CCSER1: variants seen among roughly 807,000 people sequenced by gnomAD.
The protein encoded by CCSER1 is coiled-coil serine rich protein 1, also known as serine-rich coiled-coil domain-containing protein 1.
Under a neutral mutation model 82.0 loss-of-function variants are expected in CCSER1, and 41 were observed. The observed-to-expected ratio is 0.50, with a 90% CI of 0.39 to 0.65. The LOEUF is 0.65. CCSER1 is among the 30% of genes least tolerant of loss of function. The probability of loss-of-function intolerance (pLI) is 0.00; values close to 1 mark genes in which losing one functional copy is unlikely to be tolerated. For missense variants in CCSER1, 1,119 were observed against 1,064.2 expected (o/e 1.05, Z -0.72); for synonymous variants, 414 against 383.9 (o/e 1.08, Z -0.92).
intron 1 of CCSER1, among the ~76,000 whole-genome samples, chr4:90,292,045 G>A (rs543826578): frequency 6.6e-6 from 1 of 151,852 alleles, no homozygotes; most frequent in Non-Finnish European, 1.5e-5. Context: ...ATTTGGTTAA[G>A]CCCATTGATT....
chr4:90,863,590 T>C (rs1469281625), intron 8 of CCSER1, among the ~76,000 whole-genome samples: 1 of 151,926 alleles, frequency 6.6e-6, no homozygotes, highest in Non-Finnish European at 1.5e-5. Context: ...TAGCTATCTT[T>C]AACAATGTAG....
At chr4:90,169,030 G>A (rs957727263) in intron 1 of CCSER1, among the ~76,000 whole-genome samples, 3 of 151,996 alleles carry the variant, frequency 2.0e-5, no homozygotes, top group East Asian at 1.9e-4. Flanking sequence ...TTGGTAGCTT[G>A]ATGGGGATGG....
At chr4:91,389,197 T>C (rs538853601) in intron 10 of CCSER1, among the ~76,000 whole-genome samples, 185 of 152,192 alleles carry the variant, frequency 1.2e-3, no homozygotes, top group Non-Finnish European at 1.5e-3. Flanking sequence ...GGTTTTAAAA[T>C]TTACATTTGG....
At chr4:90,659,309 G>C (rs1466738154) in intron 6 of CCSER1, among the ~76,000 whole-genome samples, 2 of 152,090 alleles carry the variant, frequency 1.3e-5, no homozygotes, top group Non-Finnish European at 2.9e-5. Flanking sequence ...AAGAGCTCCA[G>C]TTCTGGATAG....
chr4:91,211,588 T>C (rs1736827222), intron 10 of CCSER1, among the ~76,000 whole-genome samples: 1 of 152,116 alleles, frequency 6.6e-6, no homozygotes, highest in East Asian at 1.9e-4. Flanking sequence ...GTTTACATTC[T>C]GTCAGTACGC....
chr4:90,816,525 C>T (rs1401851683), intron 8 of CCSER1, among the ~76,000 whole-genome samples: 1 of 151,696 alleles, frequency 6.6e-6, no homozygotes, highest in Admixed American at 6.6e-5. Context: ...CAGTATTTTG[C>T]AATAAAATGT....
chr4:90,269,830 A>G (rs1337300846), intron 1 of CCSER1, among the ~76,000 whole-genome samples: 1 of 152,060 alleles, frequency 6.6e-6, no homozygotes, highest in African/African-American at 2.4e-5. Flanking sequence ...ACCAGAGATG[A>G]AAAAGGGGAC....
chr4:91,038,275 C>CT (rs1357682292), intron 9 of CCSER1, among the ~76,000 whole-genome samples: 2 of 151,652 alleles, frequency 1.3e-5, no homozygotes, highest in Admixed American at 1.3e-4. Context: ...AAATATTAGT[C>CT]AAGTATGAAA....
chr4:91,169,103 TG>T (rs751606562), intron 10 of CCSER1, among the ~76,000 whole-genome samples: 1 of 151,810 alleles, frequency 6.6e-6, no homozygotes, highest in Non-Finnish European at 1.5e-5. Flanking sequence ...CAGAGACCTT[TG>T]TTCATGTGTT....
intron 10 of CCSER1, among the ~76,000 whole-genome samples, chr4:91,248,066 C>T (rs950079032): frequency 9.2e-5 from 14 of 152,088 alleles, no homozygotes; most frequent in African/African-American, 3.1e-4. Flanking sequence ...AAACAACACA[C>T]ATATTGTAGT....
At chr4:91,508,560 T>C (rs1759652215) in intron 10 of CCSER1, among the ~76,000 whole-genome samples, 1 of 123,628 alleles carries the variant, frequency 8.1e-6, no homozygotes. Context: ...GGTCTGTAGT[T>C]TTTTTTTTTT....
chr4:90,809,701 A>G (rs556427846), intron 7 of CCSER1, among the ~76,000 whole-genome samples: 1 of 150,950 alleles, frequency 6.6e-6, no homozygotes, highest in Admixed American at 6.6e-5. Flanking sequence ...TAACAAACCA[A>G]TGAAAATAAA....
Position 91,376,907 on chromosome 4 carries a change from C to A in CCSER1, c.2218-221665C>A, listed in dbSNP as rs183180414. Among the ~76,000 whole-genome samples the A allele has an allele frequency of 6.0e-4, 90 of 150,454 alleles. 1 individual carries two copies. Among genetic ancestry groups the A allele is most frequent in the South Asian group, 3.8e-3 (18 of 4,702 alleles). On this transcript the variant is annotated intron_variant, in intron 10 of 10. Transcript: ENST00000509176. ...TATCTCCTAATACTATCCCTCCCCC[C>A]ACCCAGGACAGGCCCCAGTGTGTGA...
chr4:90,201,274 T>A (rs1217859724), intron 1 of CCSER1, among the ~76,000 whole-genome samples: 1 of 152,162 alleles, frequency 6.6e-6, no homozygotes, highest in Non-Finnish European at 1.5e-5. Flanking sequence ...GCATGAATAT[T>A]ACGTAAACTT....
chr4:91,171,276 T>C (rs911154936), intron 10 of CCSER1, among the ~76,000 whole-genome samples: 7 of 152,202 alleles, frequency 4.6e-5, no homozygotes, highest in Non-Finnish European at 8.8e-5. Context: ...TATAAAATTA[T>C]GCCTAGAAAT....
chr4:91,124,798 T>A (rs1364319544), intron 10 of CCSER1, among the ~76,000 whole-genome samples: 2 of 151,806 alleles, frequency 1.3e-5, no homozygotes, highest in Admixed American at 1.3e-4. Flanking sequence ...TTTTATTAAG[T>A]CTTAGTAATC....
chr4:90,836,356 A>T (rs917358381), intron 8 of CCSER1, among the ~76,000 whole-genome samples: 1 of 151,874 alleles, frequency 6.6e-6, no homozygotes, highest in Non-Finnish European at 1.5e-5. Flanking sequence ...CAAAAAAAAA[A>T]CAAGCTTAGA....
At chr4:91,094,339 A>G (rs567333433) in intron 10 of CCSER1, among the ~76,000 whole-genome samples, 41 of 152,212 alleles carry the variant, frequency 2.7e-4, no homozygotes, top group Non-Finnish European at 5.4e-4. Flanking sequence ...TTTGGCTCTC[A>G]GGAGCTAGTC....
intron 9 of CCSER1, among the ~76,000 whole-genome samples, chr4:91,015,176 T>C (rs184002969): frequency 6.6e-6 from 1 of 152,198 alleles, no homozygotes; most frequent in African/African-American, 2.4e-5. Flanking sequence ...GCAGAAAGGA[T>C]GTTTTCATTA....
Sources: gnomAD v4.1 joint callset for allele counts (sites outside exome capture counted in the v4.1 genomes callset) on GRCh38, gnomAD v4.1.1 for gene constraint, MANE v1.5 for transcripts, NCBI Gene and HGNC (gene_info 2026-07-23, HGNC 2026-07-21) for gene names.